C2CD5: variants seen among roughly 807,000 people sequenced by gnomAD.
C2CD5 encodes the protein C2 calcium dependent domain containing 5.
C2CD5 carries 109 observed loss-of-function variants against 130.3 expected under a neutral mutation model. That is an observed-to-expected ratio of 0.84 (90% CI 0.72 to 0.98). C2CD5 has a LOEUF of 0.98. Among genes scored for constraint, C2CD5 ranks in the 50% least tolerant of loss-of-function variants. The probability of loss-of-function intolerance (pLI) is 0.00; values close to 1 mark genes in which losing one functional copy is unlikely to be tolerated. For synonymous variants in C2CD5, 454 were observed against 429.2 expected, an observed-to-expected ratio of 1.06 and a Z score of -0.71; for missense variants, 996 against 1,261.8, an observed-to-expected ratio of 0.79 and a Z score of 3.19.
chr12:22,484,538 T>C, intron 13 of C2CD5, 159 bp downstream of exon 13: 1 of 420,614 alleles, frequency 2.4e-6, no homozygotes, highest in South Asian at 9.2e-5. Context: ...CAGAGGGTTT[T>C]TTTTTTACAT....
At chr12:22,505,250 CTTTCTTTT>C (rs1948351293) in intron 10 of C2CD5, among the ~76,000 whole-genome samples, 3 of 138,750 alleles carry the variant, frequency 2.2e-5, no homozygotes, top group East Asian at 4.1e-4. Flanking sequence ...ACCCTTCTTT[CTTTCTTTT>C]TTTTTTTTTT....
chr12:22,493,376 CA>C, intron 10 of C2CD5, 39 bp from the exon 11 acceptor site: 1 of 1,033,286 alleles, frequency 9.7e-7, no homozygotes, highest in Non-Finnish European at 1.5e-6. Context: ...TACTCAATAG[CA>C]CATTATATAT....
intron 10 of C2CD5, among the ~76,000 whole-genome samples, chr12:22,501,879 GC>G (rs149566817): frequency 4.8e-4 from 73 of 152,134 alleles, no homozygotes; most frequent in African/African-American, 1.6e-3. Flanking sequence ...AAAATTCTGA[GC>G]CCCGTGGCGT....
chr12:22,486,305 G>A (rs934983873), intron 12 of C2CD5, among the ~76,000 whole-genome samples: 3 of 151,970 alleles, frequency 2.0e-5, no homozygotes, highest in Non-Finnish European at 4.4e-5. Context: ...CTCTCGTATC[G>A]TTGGTTCCTG....
intron 2 of C2CD5, among the ~76,000 whole-genome samples, chr12:22,540,508 T>A (rs1164099905): frequency 6.6e-6 from 1 of 152,218 alleles, no homozygotes; most frequent in Non-Finnish European, 1.5e-5. Flanking sequence ...ATTCATTGAT[T>A]CATCTGATTA....
chr12:22,529,947 G>A (rs1951062557), intron 3 of C2CD5, among the ~76,000 whole-genome samples: 1 of 151,674 alleles, frequency 6.6e-6, no homozygotes, highest in African/African-American at 2.4e-5. Context: ...AGAAACCACA[G>A]GCTATGTATA....
chr12:22,492,764 A>G (rs1327943066), intron 11 of C2CD5, among the ~76,000 whole-genome samples: 2 of 152,202 alleles, frequency 1.3e-5, no homozygotes, highest in African/African-American at 2.4e-5. Context: ...ATGATTTGTT[A>G]GCAAGAAACG....
chr12:22,471,535 TTTTAAAAGCTGATTTTTTTAATGTACA>T, intron 19 of C2CD5, 47 bp from the exon 20 acceptor site: 1 of 1,111,820 alleles, frequency 9.0e-7, no homozygotes, highest in Non-Finnish European at 1.3e-6. Flanking sequence ...ATTTAAAAAT[TTTTAAAAGCTGATTTTTTTAATGTACA>T]TTATATTATA....
chr12:22,456,195 T>C (rs1409487231), intron 25 of C2CD5, among the ~76,000 whole-genome samples: 1 of 152,196 alleles, frequency 6.6e-6, no homozygotes, highest in Non-Finnish European at 1.5e-5. Flanking sequence ...AGCTAAGTCA[T>C]CTTTATAATG....
chr12:22,505,677 T>C (rs1467872082), intron 10 of C2CD5, among the ~76,000 whole-genome samples: 1 of 152,170 alleles, frequency 6.6e-6, no homozygotes, highest in Non-Finnish European at 1.5e-5. Context: ...ATCATGCTTA[T>C]TTTAGACGTA....
Position 22,523,566 on chromosome 12 carries a change from C to A in C2CD5, c.660G>T (p.Val220=), listed in dbSNP as rs1160417119. The A allele has an allele frequency of 1.9e-6, 3 of 1,613,906 alleles. No homozygotes were observed. The highest frequency in any genetic ancestry group is 2.7e-5 in the African/African-American group (2 of 74,980). Residue 220 remains valine (V), a synonymous_variant, in exon 7 of 27, where the codon GTG becomes GTT. Transcript: ENST00000446597. ...KVLEMRGNAV[V]GYLQCFDLEG... ...CCAGATCGAAACACTGTAAGTACCC[C>A]ACAACTGCATTTCCTCTCATTTCAA...
intron 10 of C2CD5, among the ~76,000 whole-genome samples, chr12:22,494,935 C>T (rs1946822886): frequency 6.6e-6 from 1 of 152,006 alleles, no homozygotes. Flanking sequence ...CCAATCTGAA[C>T]ATCCATTTAA....
At chr12:22,473,315 G>C (rs1943340388) in intron 16 of C2CD5, among the ~76,000 whole-genome samples, 1 of 152,036 alleles carries the variant, frequency 6.6e-6, no homozygotes. Context: ...AGCTGGACAG[G>C]CGCTGACATT....
intron 3 of C2CD5, chr12:22,535,036 T>C (rs535871687): frequency 2.7e-6 from 1 of 367,022 alleles, no homozygotes; most frequent in Non-Finnish European, 4.9e-6. Context: ...AATAATATAA[T>C]ACATCTGAAG....
chr12:22,452,097 G>A (rs1437590795), intron 26 of C2CD5, among the ~76,000 whole-genome samples: 2 of 151,858 alleles, frequency 1.3e-5, no homozygotes, highest in Non-Finnish European at 2.9e-5. Context: ...TTTAACACTG[G>A]GAAAAACCCA....
chr12:22,530,349 G>T (rs1951159219), intron 3 of C2CD5, among the ~76,000 whole-genome samples: 2 of 149,912 alleles, frequency 1.3e-5, no homozygotes, highest in African/African-American at 2.5e-5. Context: ...GATAAACAGG[G>T]TTAAAAAAAG....
intron 4 of C2CD5, among the ~76,000 whole-genome samples, chr12:22,525,984 T>C (rs759573709): frequency 1.3e-5 from 2 of 152,192 alleles, no homozygotes; most frequent in African/African-American, 2.4e-5. Context: ...ACATTTGAGA[T>C]AGGCTAGGCT....
rs929814671 is a variant in C2CD5 at position 22,475,935 on chromosome 12, G to A, written c.1903-1044C>T. ...TCAGTCTTTTGACACACAGTGCAAC[G>A]TTATTCCCACTAGATACCACACTAC... is the stretch of plus-strand genomic sequence containing the variant. On this transcript the variant is annotated intron_variant, in intron 15 of 26. Transcript: ENST00000446597. 2.0e-5 allele frequency among the ~76,000 whole-genome samples: 3 copies of A among 152,050 alleles called. No individual in the cohort carries two copies. The South Asian group carries it at 6.2e-4, about 31-fold the overall frequency.
At chr12:22,539,745 G>A (rs531484118) in intron 2 of C2CD5, among the ~76,000 whole-genome samples, 8 of 152,200 alleles carry the variant, frequency 5.3e-5, no homozygotes, top group Middle Eastern at 3.4e-3. Flanking sequence ...TGTAATCCCC[G>A]CACTTTGGGA....
Sources: gnomAD v4.1 joint callset for allele counts (sites outside exome capture counted in the v4.1 genomes callset) on GRCh38, gnomAD v4.1.1 for gene constraint, MANE v1.5 for transcripts, NCBI Gene and HGNC (gene_info 2026-07-23, HGNC 2026-07-21) for gene names.